KCNT2: variants seen among roughly 807,000 people sequenced by gnomAD.
KCNT2 encodes the protein potassium sodium-activated channel subfamily T member 2, also known as potassium channel subfamily T member 2.
Under a neutral mutation model 153.8 loss-of-function variants are expected in KCNT2, and 67 were observed. That is an observed-to-expected ratio of 0.44 (90% CI 0.36 to 0.53). KCNT2 has a LOEUF of 0.53. Ranked by LOEUF, KCNT2 falls within the 20% of genes least tolerant of loss-of-function variation. The pLI is 0.00. For synonymous variants in KCNT2, 500 were observed against 458.8 expected (o/e 1.09, Z -1.15); for missense variants, 975 against 1,354.8 (o/e 0.72, Z 4.40).
At chr1:196,335,004 A>G (rs1664879431) in intron 16 of KCNT2, among the ~76,000 whole-genome samples, 1 of 152,184 alleles carries the variant, frequency 6.6e-6, no homozygotes, top group African/African-American at 2.4e-5. Flanking sequence ...CATTCAAGGA[A>G]TAGAAGGCAG....
chr1:196,325,223 G>C (rs905678995), intron 19 of KCNT2, among the ~76,000 whole-genome samples: 2 of 152,056 alleles, frequency 1.3e-5, no homozygotes, highest in Non-Finnish European at 2.9e-5. Context: ...TTTGTCCTTA[G>C]TCCTATCAGA....
chr1:196,606,140 T>C (rs1665297073), intron 1 of KCNT2, among the ~76,000 whole-genome samples: 1 of 152,188 alleles, frequency 6.6e-6, no homozygotes, highest in Non-Finnish European at 1.5e-5. Context: ...TAAATGTTAG[T>C]TCTGCGCCTC....
At chr1:196,522,156 A>G (rs1423329081) in intron 1 of KCNT2, among the ~76,000 whole-genome samples, 1 of 152,142 alleles carries the variant, frequency 6.6e-6, no homozygotes, top group African/African-American at 2.4e-5. Context: ...TCCATTCCAA[A>G]CCTGCTTTCA....
intron 19 of KCNT2, among the ~76,000 whole-genome samples, chr1:196,320,918 G>GC (rs543790107): frequency 6.7e-6 from 1 of 148,704 alleles, no homozygotes; most frequent in South Asian, 2.1e-4. Context: ...TCAGTTCTTT[G>GC]CAGTACCTTG....
intron 1 of KCNT2, among the ~76,000 whole-genome samples, chr1:196,522,042 A>T (rs1199206672): frequency 6.6e-6 from 1 of 152,240 alleles, no homozygotes. Context: ...AAATTCCAGT[A>T]GTACTTGTAG....
In KCNT2 at chr1:196,400,316, C is replaced by A. The variant is rs778179680; in HGVS notation, c.1186-1645G>T. The stretch of plus-strand genomic sequence containing the variant: ...AAACCACTATATAAGTAAAAGGATG[C>A]CAAGTTATAATTTTTATTTTATTTT... On this transcript the variant is annotated intron_variant, in intron 12 of 27. Coordinates refer to ENST00000294725, the MANE Select transcript of KCNT2 (RefSeq NM_198503.5). 4.0e-4 allele frequency among the ~76,000 whole-genome samples: 60 copies of A among 151,780 alleles called. No individual in the cohort carries two copies. In the Middle Eastern group the frequency reaches 0.017, roughly 43 times the overall value.
At chr1:196,433,088 C>G (rs1176537893) in intron 8 of KCNT2, among the ~76,000 whole-genome samples, 1 of 152,048 alleles carries the variant, frequency 6.6e-6, no homozygotes, top group Admixed American at 6.6e-5. Flanking sequence ...TGTTTTTGCC[C>G]TTCTGCCTTG....
intron 19 of KCNT2, 31 bp downstream of exon 19, chr1:196,326,686 A>T (rs745922838): frequency 7.5e-7 from 1 of 1,324,922 alleles, no homozygotes; most frequent in Non-Finnish European, 1.0e-6. Context: ...AAAACAGTTT[A>T]TCTTGTTTGT....
At chr1:196,527,633 C>G (rs966230978) in intron 1 of KCNT2, among the ~76,000 whole-genome samples, 1 of 152,106 alleles carries the variant, frequency 6.6e-6, no homozygotes, top group African/African-American at 2.4e-5. Context: ...AGCATGTGCT[C>G]TTGAAAGTTG....
chr1:196,270,754 A>C (rs1214453064), intron 25 of KCNT2, among the ~76,000 whole-genome samples: 1 of 151,544 alleles, frequency 6.6e-6, no homozygotes, highest in Non-Finnish European at 1.5e-5. Context: ...TGTGCGTGTA[A>C]GTGTAGAACC....
At chr1:196,602,722 A>G (rs187352624) in intron 1 of KCNT2, among the ~76,000 whole-genome samples, 15 of 151,698 alleles carry the variant, frequency 9.9e-5, no homozygotes, top group Admixed American at 9.2e-4. Context: ...ATTAAATAAT[A>G]CATTTTTCTC....
At chr1:196,551,944 T>G (rs1657961358) in intron 1 of KCNT2, among the ~76,000 whole-genome samples, 1 of 151,576 alleles carries the variant, frequency 6.6e-6, no homozygotes, top group Admixed American at 6.6e-5. Flanking sequence ...ATGTGAGATT[T>G]ATTGTAAGGA....
At chr1:196,374,141 G>T (rs1250215689) in intron 13 of KCNT2, among the ~76,000 whole-genome samples, 1 of 151,790 alleles carries the variant, frequency 6.6e-6, no homozygotes, top group Non-Finnish European at 1.5e-5. Context: ...AGTATAGCTG[G>T]TATTAAAAAT....
chr1:196,598,879 G>C (rs1664394149), intron 1 of KCNT2, among the ~76,000 whole-genome samples: 2 of 152,172 alleles, frequency 1.3e-5, no homozygotes, highest in South Asian at 4.1e-4. Flanking sequence ...GTTGGTAAAT[G>C]TTCTCTGATG....
intron 26 of KCNT2, among the ~76,000 whole-genome samples, chr1:196,255,751 T>C (rs1656427891): frequency 6.6e-6 from 1 of 151,994 alleles, no homozygotes; most frequent in African/African-American, 2.4e-5. Context: ...GTTTCAGAAA[T>C]TATGGATTTT....
At chr1:196,497,875 C>G (rs530832534) in intron 1 of KCNT2, among the ~76,000 whole-genome samples, 1 of 152,160 alleles carries the variant, frequency 6.6e-6, no homozygotes, top group Non-Finnish European at 1.5e-5. Context: ...TTTTCCTATA[C>G]TTTTTCAGGA....
Position 196,331,144 on chromosome 1 carries a change from A to G in KCNT2, c.2103+12T>C, listed in dbSNP as rs1558153953. 7.1e-7 allele frequency: 1 copy of G among 1,410,324 alleles called. No individual in the cohort carries two copies. The highest frequency in any genetic ancestry group is 1.0e-6 in the Non-Finnish European group (1 of 998,292). The allele number at this position is 1,410,324 out of a possible 1,614,324, so 87.4% of individuals were successfully genotyped here. On this transcript the variant is annotated intron_variant, in intron 18 of 27. Coordinates refer to ENST00000294725, the MANE Select transcript of KCNT2 (RefSeq NM_198503.5). ...TTATTTTGTAAACAAAAAAGCATCA[A>G]CAAGTACTTACCTTGTCTAATCTTA... is the stretch of plus-strand genomic sequence containing the variant.
At chr1:196,257,439 CTG>C in intron 26 of KCNT2, 1 of 971,556 alleles carries the variant, frequency 1.0e-6, no homozygotes, top group Non-Finnish European at 1.2e-6. Flanking sequence ...CTAACCCTAT[CTG>C]AGTTCCTGGT....
intron 3 of KCNT2, among the ~76,000 whole-genome samples, chr1:196,487,977 T>C (rs1026929342): frequency 1.3e-5 from 2 of 152,014 alleles, no homozygotes; most frequent in Non-Finnish European, 2.9e-5. Flanking sequence ...GGCTCATCTT[T>C]CAGTGTAATT....
Sources: gnomAD v4.1 joint callset for allele counts (sites outside exome capture counted in the v4.1 genomes callset) on GRCh38, gnomAD v4.1.1 for gene constraint, MANE v1.5 for transcripts, NCBI Gene and HGNC (gene_info 2026-07-23, HGNC 2026-07-21) for gene names.